ATP2A1: variants seen among roughly 807,000 people sequenced by gnomAD.
ATP2A1 encodes the protein ATPase sarcoplasmic/endoplasmic reticulum Ca2+ transporting 1, also known as sarcoplasmic/endoplasmic reticulum calcium ATPase 1.
Under a neutral mutation model 109.5 loss-of-function variants are expected in ATP2A1, and 83 were observed. The observed-to-expected ratio is 0.76, with a 90% CI of 0.63 to 0.91. ATP2A1 has a LOEUF of 0.91. ATP2A1 is among the 40% of genes least tolerant of loss of function. The pLI is 0.00. For missense variants in ATP2A1, 1,101 were observed against 1,341.0 expected (o/e 0.82, Z 2.80); for synonymous variants, 505 against 537.6 (o/e 0.94, Z 0.84).
intron 8 of ATP2A1, among the ~76,000 whole-genome samples, chr16:28,888,404 A>G (rs2152204842): frequency 6.6e-6 from 1 of 151,604 alleles, no homozygotes; most frequent in East Asian, 2.0e-4. Flanking sequence ...TTTGCGGACC[A>G]TTATTGTTTG....
intron 8 of ATP2A1, among the ~76,000 whole-genome samples, chr16:28,887,995 G>GA (rs1168821238): frequency 1.3e-5 from 2 of 151,040 alleles, no homozygotes; most frequent in Non-Finnish European, 2.9e-5. Flanking sequence ...TAGATACGGG[G>GA]TTTCACCGTG....
chr16:28,902,599 C>T lies in ATP2A1; in HGVS notation c.2544C>T (p.Thr848=), dbSNP rs370857311. The change falls in exon 18 of 23, where the codon ACC becomes ACT. Residue 848 remains threonine, a synonymous_variant. Transcript: ENST00000395503. The surrounding 1 kb of genome is among the most constrained non-coding windows in gnomAD (Gnocchi z 4.8). ...CCACAGGCTATGTGGGTGCAGCCAC[C>T]GTGGGAGCAGCTGCCTGGTGGTTCC... is the stretch of plus-strand genomic sequence containing the variant. ...MAIGGYVGAA[T]VGAAAWWFLY... 1.9e-5 allele frequency: 30 copies of T among 1,613,978 alleles called. No homozygotes were observed. The highest frequency in any genetic ancestry group is 1.7e-4 in the Admixed American group (10 of 60,000).
chr16:28,887,113 G>T (rs1963635126), intron 6 of ATP2A1, 76 bp from the exon 7 acceptor site: 2 of 1,467,732 alleles, frequency 1.4e-6, no homozygotes, highest in South Asian at 2.3e-5. Flanking sequence ...CTGCTGAGCA[G>T]GGAGAGAGTT....
chr16:28,888,305 T>A (rs1963677631), intron 8 of ATP2A1, among the ~76,000 whole-genome samples: 1 of 151,810 alleles, frequency 6.6e-6, no homozygotes, highest in African/African-American at 2.4e-5. Flanking sequence ...AGTGCTGGGG[T>A]TACAGGTGTG....
chr16:28,882,317 G>C (rs1963510460), intron 4 of ATP2A1, 134 bp from the exon 5 acceptor site: 1 of 1,342,682 alleles, frequency 7.4e-7, no homozygotes, highest in South Asian at 1.2e-5. Context: ...GTTTTCACCT[G>C]TAGGTGACAG....
chr16:28,903,917 A>G lies in ATP2A1; in HGVS notation c.*37+176A>G. ...GGCCGCTGGCCTCCCACTGGGCGTCAGTTTGGCTCCCAGGCCCTGGGCAGT... is the reference window on the plus strand; with the variant it reads ...GGCCGCTGGCCTCCCACTGGGCGTCGGTTTGGCTCCCAGGCCCTGGGCAGT... On this transcript the variant is annotated intron_variant, in intron 22 of 22. Coordinates refer to ENST00000395503, the MANE Select transcript of ATP2A1 (RefSeq NM_004320.6). This position sits in a 1 kb window ranked among gnomAD's most constrained non-coding sequence, Gnocchi z 5.6. The G allele has an allele frequency of 1.3e-6, 1 of 764,402 alleles. No homozygotes were observed. The highest frequency in any genetic ancestry group is 2.3e-6 in the Non-Finnish European group (1 of 442,552). The allele number at this position is 764,402 out of a possible 1,614,324, so 47.4% of individuals were successfully genotyped here. A position where few individuals can be genotyped will look rare whatever the true frequency, so the allele number is the denominator to read the frequency against.
rs1596686597 is a variant in ATP2A1 at position 28,901,943 on chromosome 16, C to G, written c.2181C>G (p.Ala727=). 6.2e-7 allele frequency: 1 copy of G among 1,614,132 alleles called. No homozygotes were observed. The highest frequency in any genetic ancestry group is 8.5e-7 in the Non-Finnish European group (1 of 1,180,052). ...GIAMGSGTAV[A]KTASEMVLAD... ...CCATGGGATCTGGCACTGCCGTGGC[C>G]AAGACTGCCTCTGAGATGGTGCTGG... Residue 727 remains alanine (A), a synonymous_variant, in exon 16 of 23, where the codon GCC becomes GCG. Coordinates refer to ENST00000395503, the MANE Select transcript of ATP2A1 (RefSeq NM_004320.6).
chr16:28,881,043 C>T (rs1199421353), intron 4 of ATP2A1, 24 bp downstream of exon 4: 4 of 1,602,474 alleles, frequency 2.5e-6, no homozygotes, highest in African/African-American at 2.7e-5. Flanking sequence ...CTTCCTTACC[C>T]CTTCATGTCC....
intron 9 of ATP2A1, among the ~76,000 whole-genome samples, chr16:28,893,768 G>A (rs1963841638): frequency 2.7e-5 from 4 of 150,348 alleles, no homozygotes; most frequent in Admixed American, 2.0e-4. Context: ...TCCTGCCTCA[G>A]CCTCCAGAGT....
At position 28,879,026 on chromosome 16, in the gene ATP2A1, CAA is replaced by C. The variant is rs766793145; in HGVS notation, c.119-71_119-70del. 6.9e-6 allele frequency: 11 copies of C among 1,601,626 alleles called. No homozygotes were observed. In the Admixed American group the frequency reaches 1.5e-4, roughly 22 times the overall value. On this transcript the variant is annotated intron_variant, in intron 1 of 22. Transcript: ENST00000395503. ...CAAGGTGGCCTGATTCTCTTAGCCA[CAA>C]AGTCTTGGGTGTGGGGGGCATGAGG...
chr16:28,897,887 A>G (rs1567488532), intron 12 of ATP2A1, 113 bp from the exon 13 acceptor site: 2 of 1,388,120 alleles, frequency 1.4e-6, no homozygotes, highest in Non-Finnish European at 2.0e-6. Flanking sequence ...CTTTTGTGCT[A>G]TAGGGACCAG....
chr16:28,894,517 T>C lies in ATP2A1; in HGVS notation c.1197T>C (p.Asp399=), dbSNP rs769783332. The part of the protein sequence containing the change: ...YAPEGEVLKN[D]KPVRPGQYDG... ...ACCCTGCTGCCAGCTTGAAGAATGA[T>C]AAGCCAGTCCGGCCAGGGCAGTATG... The change falls in exon 11 of 23, where the codon GAT becomes GAC. Residue 399 remains aspartate, a synonymous_variant. Coordinates refer to ENST00000395503, the MANE Select transcript of ATP2A1 (RefSeq NM_004320.6). 6 of 1,613,908 alleles carry C rather than the reference T, an allele frequency of 3.7e-6. No individual in the cohort carries two copies. Among genetic ancestry groups the C allele is most frequent in the Non-Finnish European group, 5.1e-6 (6 of 1,180,028 alleles).
At position 28,888,848 on chromosome 16, in the gene ATP2A1, T is replaced by C. The variant is rs752691249; in HGVS notation, c.990T>C (p.Asn330=). 4 of 1,592,358 alleles carry C rather than the reference T, an allele frequency of 2.5e-6. No homozygotes were observed. Among genetic ancestry groups the C allele is most frequent in the Non-Finnish European group, 2.6e-6 (3 of 1,166,404 alleles). Residue 330 remains asparagine, a synonymous_variant, in exon 9 of 23, where the codon AAT becomes AAC. Coordinates refer to ENST00000395503, the MANE Select transcript of ATP2A1 (RefSeq NM_004320.6). The part of the protein sequence containing the change: ...ALGTRRMAKK[N]AIVRSLPSVE... ...GTACCCGTCGGATGGCAAAGAAGAATGCCATTGTAAGAAGCTTGCCCTCCG... is the reference window on the plus strand; with the variant it reads ...GTACCCGTCGGATGGCAAAGAAGAACGCCATTGTAAGAAGCTTGCCCTCCG...
chr16:28,894,871 C>G lies in ATP2A1; in HGVS notation c.1337C>G (p.Thr446Ser), dbSNP rs770111782. The G allele has an allele frequency of 1.2e-6, 2 of 1,612,226 alleles. No homozygotes were observed. Among genetic ancestry groups the G allele is most frequent in the Non-Finnish European group, 1.7e-6 (2 of 1,180,018 alleles). ...GGCGAGGCCACCGAGACAGCACTCA[C>G]CACCCTGGTGGAGAAGATGAATGTG... ...KVGEATETAL[T>S]TLVEKMNVFN... is the part of the protein sequence containing the mutation. Residue 446 changes from threonine (T) to serine (S), a missense_variant, in exon 12 of 23, where the codon ACC becomes AGC. Coordinates refer to ENST00000395503, the MANE Select transcript of ATP2A1 (RefSeq NM_004320.6).
Position 28,902,305 on chromosome 16 carries a change from G to T in ATP2A1, c.2443G>T (p.Asp815Tyr). The T allele has an allele frequency of 6.2e-7, 1 of 1,614,082 alleles. No homozygotes were observed. Among genetic ancestry groups the T allele is most frequent in the Non-Finnish European group, 8.5e-7 (1 of 1,180,018 alleles). The change falls in exon 17 of 23, where the codon GAC becomes TAC. Residue 815 changes from aspartate (D) to tyrosine (Y), a missense_variant. Transcript: ENST00000395503. This position sits in a 1 kb window ranked among gnomAD's most constrained non-coding sequence, Gnocchi z 4.8. ...TALGFNPPDL[D>Y]IMDRPPRSPK... ...CCTGGGCTTCAACCCACCAGACCTG[G>T]ACATCATGGACCGCCCCCCCCGGAG...
chr16:28,902,031 A>G lies in ATP2A1; in HGVS notation c.2269A>G (p.Met757Val). 7 of 1,614,156 alleles carry G rather than the reference A, an allele frequency of 4.3e-6. No individual in the cohort carries two copies. Among genetic ancestry groups the G allele is most frequent in the Non-Finnish European group, 5.1e-6 (6 of 1,180,008 alleles). Residue 757 changes from methionine (M) to valine (V), a missense_variant, in exon 16 of 23, where the codon ATG becomes GTG. Coordinates refer to ENST00000395503, the MANE Select transcript of ATP2A1 (RefSeq NM_004320.6). The surrounding 1 kb of genome is among the most constrained non-coding windows in gnomAD (Gnocchi z 4.8). ...VEEGRAIYNN[M>V]KQFIRYLISS... ...GGAGGGCCGCGCCATCTACAACAAC[A>G]TGAAGCAGTTCATCCGCTACCTCAT...
chr16:28,878,799 C>T lies in ATP2A1; in HGVS notation c.118+10C>T, dbSNP rs774267718. The T allele has an allele frequency of 2.5e-6, 4 of 1,613,100 alleles. No individual in the cohort carries two copies. The Admixed American group carries it at 6.7e-5, about 27-fold the overall frequency. Reference sequence around the variant, plus strand: ...AAATACGGCCTCAATGGTAAGTGTCCCTTGGAAGAGCGGCTGGTAATTAAT... The same window carrying T: ...AAATACGGCCTCAATGGTAAGTGTCTCTTGGAAGAGCGGCTGGTAATTAAT... On this transcript the variant is annotated intron_variant, in intron 1 of 22. Coordinates refer to ENST00000395503, the MANE Select transcript of ATP2A1 (RefSeq NM_004320.6).
chr16:28,886,988 G>T (rs2152203394), intron 6 of ATP2A1, among the ~76,000 whole-genome samples: 1 of 136,162 alleles, frequency 7.3e-6, no homozygotes, highest in East Asian at 2.1e-4. Flanking sequence ...CTGCAACTCT[G>T]TCTCAAAAAA....
intron 14 of ATP2A1, among the ~76,000 whole-genome samples, chr16:28,899,071 TGG>T (rs1963994065): frequency 6.6e-6 from 1 of 152,194 alleles, no homozygotes. Flanking sequence ...GATCTGTGGT[TGG>T]TAACAAGGTG....
Sources: gnomAD v4.1 joint callset for allele counts (sites outside exome capture counted in the v4.1 genomes callset) on GRCh38, gnomAD v4.1.1 for gene constraint, Gnocchi (gnomAD v3.1) non-coding constraint, MANE v1.5 for transcripts, NCBI Gene and HGNC (gene_info 2026-07-23, HGNC 2026-07-21) for gene names.